Variants in OPCML observed in about 807,000 individuals in gnomAD.
OPCML encodes the protein opioid binding protein/cell adhesion molecule like, also known as opioid-binding protein/cell adhesion molecule.
OPCML carries 13 observed loss-of-function variants against 37.8 expected under a neutral mutation model. The ratio of observed to expected loss-of-function variants is 0.34; its 90% CI spans 0.22 to 0.55. OPCML has a LOEUF of 0.55. Ranked by LOEUF, OPCML falls within the 20% of genes least tolerant of loss-of-function variation. The probability of loss-of-function intolerance (pLI) is 0.91; values close to 1 mark genes in which losing one functional copy is unlikely to be tolerated. For missense variants in OPCML, 341 were observed against 435.6 expected (o/e 0.78, Z 1.93); for synonymous variants, 176 against 168.8 (o/e 1.04, Z -0.33).
chr11:133,057,990 C>T (rs567193510), intron 1 of OPCML, among the ~76,000 whole-genome samples: 25 of 152,258 alleles, frequency 1.6e-4, no homozygotes, highest in African/African-American at 2.4e-4. Flanking sequence ...ATCTGCCTTC[C>T]GCACTAGACT....
At position 132,790,293 on chromosome 11, in the gene OPCML, G is replaced by A. The variant is rs185376747; in HGVS notation, c.147-132974C>T. Among the ~76,000 whole-genome samples, 276 of 152,262 alleles carry A rather than the reference G, an allele frequency of 1.8e-3. 7 individuals carry two copies. The South Asian group carries it at 0.043, about 24-fold the overall frequency. On this transcript the variant is annotated intron_variant, in intron 2 of 7. Coordinates refer to ENST00000524381, the MANE Select transcript of OPCML (RefSeq NM_001012393.5). The stretch of plus-strand genomic sequence containing the variant: ...ATAAAAACAATAGGTTCTAGTGTTC[G>A]ATAGCAAAGTAGCGTGGCTAGAATT...
At chr11:132,913,906 C>G (rs137865533) in intron 2 of OPCML, among the ~76,000 whole-genome samples, 29 of 152,360 alleles carry the variant, frequency 1.9e-4, no homozygotes, top group Non-Finnish European at 3.7e-4. Context: ...CCCCTCTCTG[C>G]CTCTGCTGCA....
chr11:132,490,136 T>C (rs2096211322), intron 4 of OPCML, among the ~76,000 whole-genome samples: 1 of 152,020 alleles, frequency 6.6e-6, no homozygotes, highest in African/African-American at 2.4e-5. Flanking sequence ...TTGTGAACAT[T>C]GTCTGTGGCC....
At chr11:133,224,211 G>A (rs1939947672) in intron 1 of OPCML, among the ~76,000 whole-genome samples, 1 of 152,082 alleles carries the variant, frequency 6.6e-6, no homozygotes, top group Admixed American at 6.5e-5. Context: ...GTGGTTTCTG[G>A]TCTCCCTAAG....
chr11:133,396,740 G>C (rs1480938778), intron 1 of OPCML, among the ~76,000 whole-genome samples: 2 of 152,034 alleles, frequency 1.3e-5, no homozygotes, highest in Non-Finnish European at 2.9e-5. Context: ...CACCATCCTT[G>C]AGCACACCCA....
In OPCML at chr11:132,887,486, C is replaced by T. The variant is rs968948567; in HGVS notation, c.146+55440G>A. Among the ~76,000 whole-genome samples, 4 of 152,204 alleles carry T rather than the reference C, an allele frequency of 2.6e-5. 1 individual carries two copies. The highest frequency in any genetic ancestry group is 2.6e-4 in the Admixed American group (4 of 15,296). ...GTTTCCCAAGCTATTTTGCACTCAC[C>T]CCGAAGATGGGGCCTGACCGAGTAC... On this transcript the variant is annotated intron_variant, in intron 2 of 7. Coordinates refer to ENST00000524381, the MANE Select transcript of OPCML (RefSeq NM_001012393.5).
intron 2 of OPCML, among the ~76,000 whole-genome samples, chr11:132,816,935 T>C (rs957632635): frequency 3.3e-5 from 5 of 152,128 alleles, no homozygotes; most frequent in South Asian, 2.1e-4. Context: ...GAATCCAGGA[T>C]TGGAAAGACA....
intron 1 of OPCML, chr11:133,008,937 A>G: frequency 1.0e-6 from 1 of 985,456 alleles, no homozygotes; most frequent in Non-Finnish European, 1.2e-6. Context: ...AGTCACAGCA[A>G]GAAGACTGAG....
At position 132,443,811 on chromosome 11, in the gene OPCML, G is replaced by A. The variant is rs373364964; in HGVS notation, c.506-6452C>T. On this transcript the variant is annotated intron_variant, in intron 4 of 7. Coordinates refer to ENST00000524381, the MANE Select transcript of OPCML (RefSeq NM_001012393.5). ...CAGGGAAAGGTACAGACTGTCAAAA[G>A]TTCCTGAGGAGACATGTGCCTGAAT... Among the ~76,000 whole-genome samples the A allele has an allele frequency of 1.2e-3, 189 of 152,326 alleles. 1 individual carries two copies. The highest frequency in any genetic ancestry group is 4.2e-3 in the African/African-American group (174 of 41,578).
chr11:132,939,217 C>A (rs945951922), intron 2 of OPCML, among the ~76,000 whole-genome samples: 3 of 152,140 alleles, frequency 2.0e-5, no homozygotes, highest in African/African-American at 7.2e-5. Context: ...AAGGTAGGTG[C>A]AAAGTACAGA....
At chr11:132,924,691 C>A (rs2659622) in intron 2 of OPCML, among the ~76,000 whole-genome samples, 9,808 of 152,244 alleles carry the variant, frequency 0.064, 376 homozygotes, top group Middle Eastern at 0.16. Flanking sequence ...TTGCATTTGA[C>A]ATTCTTCAGT....
chr11:133,070,272 GC>G, intron 1 of OPCML, among the ~76,000 whole-genome samples: 1 of 152,292 alleles, frequency 6.6e-6, no homozygotes, highest in Non-Finnish European at 1.5e-5. Context: ...TCTGCAGCAA[GC>G]AAAGGCTGTC....
intron 1 of OPCML, among the ~76,000 whole-genome samples, chr11:133,471,328 C>G (rs916744314): frequency 1.3e-5 from 2 of 152,058 alleles, no homozygotes; most frequent in African/African-American, 4.8e-5. Flanking sequence ...AGTGAAGAAG[C>G]CTTTATATAC....
At chr11:133,405,112 C>T (rs1045086208) in intron 1 of OPCML, among the ~76,000 whole-genome samples, 52 of 152,286 alleles carry the variant, frequency 3.4e-4, no homozygotes, top group African/African-American at 8.7e-4. Flanking sequence ...TTATTAAGGA[C>T]GCTTGCTCAA....
Position 133,431,708 on chromosome 11 carries a change from G to A in OPCML, c.61+100556C>T, listed in dbSNP as rs1338183462. 1.1e-4 allele frequency among the ~76,000 whole-genome samples: 16 copies of A among 151,284 alleles called. No individual in the cohort carries two copies. In the East Asian group the frequency reaches 1.4e-3, roughly 13 times the overall value. ...TGGAACTCTCCACCTCAGGTGATCC[G>A]CCAGCCTCAGCCTCCTAAAGTGCTG... On this transcript the variant is annotated intron_variant, in intron 1 of 7. Transcript: ENST00000524381.
intron 4 of OPCML, among the ~76,000 whole-genome samples, chr11:132,475,844 T>C (rs2096153454): frequency 6.6e-6 from 1 of 152,218 alleles, no homozygotes; most frequent in African/African-American, 2.4e-5. Context: ...TGAATTCAAA[T>C]GTACGTTACA....
chr11:133,015,864 A>G (rs1025512231), intron 1 of OPCML, among the ~76,000 whole-genome samples: 1 of 151,994 alleles, frequency 6.6e-6, no homozygotes, highest in African/African-American at 2.4e-5. Flanking sequence ...CCCCATCCCT[A>G]ACAAATCCTA....
chr11:133,424,898 G>A (rs1448350056), intron 1 of OPCML, among the ~76,000 whole-genome samples: 1 of 152,096 alleles, frequency 6.6e-6, no homozygotes, highest in Non-Finnish European at 1.5e-5. Context: ...CTCCCCTGGG[G>A]GCTGAAACTA....
At chr11:132,462,376 C>A (rs2096105381) in intron 4 of OPCML, among the ~76,000 whole-genome samples, 1 of 152,168 alleles carries the variant, frequency 6.6e-6, no homozygotes, top group Admixed American at 6.5e-5. Context: ...GCCTGGTGGG[C>A]TTCCCTGTAC....
Sources: gnomAD v4.1 joint callset for allele counts (sites outside exome capture counted in the v4.1 genomes callset) on GRCh38, gnomAD v4.1.1 for gene constraint, MANE v1.5 for transcripts, NCBI Gene and HGNC (gene_info 2026-07-23, HGNC 2026-07-21) for gene names.